SLC14A1: variants seen among roughly 807,000 people sequenced by gnomAD.
The protein encoded by SLC14A1 is solute carrier family 14 member 1 (Kidd blood group), also known as urea transporter 1.
A neutral mutation model predicts 39.6 loss-of-function variants in SLC14A1; 36 were observed. The observed-to-expected ratio is 0.91, with a 90% CI of 0.70 to 1.20. The LOEUF (loss-of-function observed/expected upper bound fraction) is 1.20. Among genes scored for constraint, SLC14A1 ranks in the 50% most tolerant of loss-of-function variants. SLC14A1 has a pLI of 0.00. For missense variants in SLC14A1, 469 were observed against 478.7 expected (o/e 0.98, Z 0.19); for synonymous variants, 164 against 173.6 (o/e 0.94, Z 0.43).
At chr18:45,729,005 A>G (rs780783300) in intron 2 of SLC14A1, 1 of 152,220 alleles carries the variant, frequency 6.6e-6, no homozygotes, top group Non-Finnish European at 1.5e-5. Context: ...TTTAATAGGT[A>G]TAACTTAGTA....
At position 45,748,443 on chromosome 18, in the gene SLC14A1, T is replaced by C. The variant is rs374156279; in HGVS notation, c.996+18T>C. 1.8e-5 allele frequency: 29 copies of C among 1,613,374 alleles called. No individual in the cohort carries two copies. In the African/African-American group the frequency reaches 3.5e-4, roughly 19 times the overall value. ...TGGCTGAGGTGAGTTTGCTTTAGTCTCACTTTTCATTAGCGTAATTGACCA... is the reference window on the plus strand; with the variant it reads ...TGGCTGAGGTGAGTTTGCTTTAGTCCCACTTTTCATTAGCGTAATTGACCA... On this transcript the variant is annotated intron_variant, in intron 9 of 9. Transcript: ENST00000321925.
At chr18:45,746,680 A>C (rs2047554294) in intron 8 of SLC14A1, among the ~76,000 whole-genome samples, 1 of 152,214 alleles carries the variant, frequency 6.6e-6, no homozygotes, top group Non-Finnish European at 1.5e-5. Context: ...GGTGTAACCA[A>C]GGAGAGAAAC....
rs796139255 is a variant in SLC14A1 at position 45,750,427 on chromosome 18, G to A, written c.*476G>A. ...TGGCTTTTTTTTTAAATCAATGCAA[G>A]TTACACATTATAGCCAGAATCTGTA... On this transcript the variant is annotated 3_prime_UTR_variant, in exon 10 of 10. Transcript: ENST00000321925. The A allele has an allele frequency of 2.8e-6, 3 of 1,077,110 alleles. No individual in the cohort carries two copies. The African/African-American group carries it at 5.1e-5, about 18-fold the overall frequency. 66.7% of individuals were successfully genotyped at this position (1,077,110 alleles called of 1,614,324 possible).
intron 4 of SLC14A1, among the ~76,000 whole-genome samples, chr18:45,732,382 G>A (rs891750374): frequency 1.3e-5 from 2 of 152,186 alleles, no homozygotes; most frequent in African/African-American, 2.4e-5. Flanking sequence ...CAAGTCAGTT[G>A]TTGAGAGGAC....
chr18:45,728,202 C>G (rs1178618893), intron 2 of SLC14A1, among the ~76,000 whole-genome samples: 3 of 152,178 alleles, frequency 2.0e-5, no homozygotes, highest in Non-Finnish European at 4.4e-5. Context: ...CGCTCAGGCT[C>G]TCAATCACGT....
At chr18:45,745,368 G>T (rs936924901) in intron 8 of SLC14A1, among the ~76,000 whole-genome samples, 1 of 152,164 alleles carries the variant, frequency 6.6e-6, no homozygotes, top group African/African-American at 2.4e-5. Flanking sequence ...AGCTGTTTGG[G>T]TGAGTCTCTG....
Position 45,748,436 on chromosome 18 carries a change from T to C in SLC14A1, c.996+11T>C. 5 of 1,613,856 alleles carry C rather than the reference T, an allele frequency of 3.1e-6. No individual in the cohort carries two copies. The South Asian group carries it at 5.5e-5, about 18-fold the overall frequency. ...AACTTTATGGCTGAGGTGAGTTTGC[T>C]TTAGTCTCACTTTTCATTAGCGTAA... On this transcript the variant is annotated intron_variant, in intron 9 of 9. Coordinates refer to ENST00000321925, the MANE Select transcript of SLC14A1 (RefSeq NM_015865.7).
intron 4 of SLC14A1, 78 bp downstream of exon 4, chr18:45,731,282 A>T: frequency 1.5e-6 from 2 of 1,329,516 alleles, no homozygotes; most frequent in South Asian, 2.4e-5. Context: ...CAACAGTGAT[A>T]AAACCACATC....
At chr18:45,732,946 T>C (rs2047077075) in intron 4 of SLC14A1, among the ~76,000 whole-genome samples, 1 of 152,210 alleles carries the variant, frequency 6.6e-6, no homozygotes, top group South Asian at 2.1e-4. Context: ...ATCAAGTCCT[T>C]TGCAGCAGCA....
chr18:45,739,906 A>C, intron 8 of SLC14A1: 7 of 556,448 alleles, frequency 1.3e-5, no homozygotes, highest in East Asian at 3.2e-5. Context: ...ATCCTAAAAC[A>C]TGGATGTTTG....
intron 8 of SLC14A1, among the ~76,000 whole-genome samples, chr18:45,742,590 C>T (rs1228446625): frequency 6.6e-6 from 1 of 151,852 alleles, no homozygotes; most frequent in African/African-American, 2.4e-5. Context: ...AATCTTCTGA[C>T]CTCATGATCT....
At chr18:45,735,383 C>T (rs542606652) in intron 5 of SLC14A1, among the ~76,000 whole-genome samples, 1 of 152,320 alleles carries the variant, frequency 6.6e-6, no homozygotes, top group African/African-American at 2.4e-5. Context: ...GCTGGGAGAA[C>T]CACTGTGCCT....
At chr18:45,742,880 G>A (rs1047408070) in intron 8 of SLC14A1, among the ~76,000 whole-genome samples, 2 of 152,070 alleles carry the variant, frequency 1.3e-5, no homozygotes, top group African/African-American at 4.8e-5. Context: ...TAGAGATGGG[G>A]TTTCACCATG....
chr18:45,752,159 C>T lies in SLC14A1; in HGVS notation c.*2208C>T. The T allele has an allele frequency of 2.0e-6, 2 of 985,334 alleles. No homozygotes were observed. Among genetic ancestry groups the T allele is most frequent in the Non-Finnish European group, 2.4e-6 (2 of 829,900 alleles). The allele number at this position is 985,334 out of a possible 1,614,324, so 61.0% of individuals were successfully genotyped here. The stretch of plus-strand genomic sequence containing the variant: ...AGAAGCTCAATTTTCAGTGTTTGAA[C>T]TGAACCCTTTCTTGTTAGGGAACGT... On this transcript the variant is annotated 3_prime_UTR_variant, in exon 10 of 10. Transcript: ENST00000321925.
chr18:45,743,559 T>C (rs2047453359), intron 8 of SLC14A1, among the ~76,000 whole-genome samples: 1 of 152,216 alleles, frequency 6.6e-6, no homozygotes, highest in African/African-American at 2.4e-5. Flanking sequence ...TACTTAACCT[T>C]TCTATGCCTC....
chr18:45,731,598 G>A, intron 4 of SLC14A1: 1 of 330,884 alleles, frequency 3.0e-6, no homozygotes, highest in South Asian at 2.6e-5. Flanking sequence ...ATATCTTGTT[G>A]CTATGATGAG....
Position 45,727,572 on chromosome 18 carries a change from C to T in SLC14A1, c.-22+2559C>T, listed in dbSNP as rs568734946. ...TTGGTCCAAAAAGCCCCATGGCGCT[C>T]ACCTTGGTTTAGAGGCTAGACCATT... On this transcript the variant is annotated intron_variant, in intron 2 of 9. Coordinates refer to ENST00000321925, the MANE Select transcript of SLC14A1 (RefSeq NM_015865.7). Among the ~76,000 whole-genome samples the T allele has an allele frequency of 3.3e-5, 5 of 152,288 alleles. 1 individual carries two copies. The South Asian group carries it at 1.0e-3, about 32-fold the overall frequency.
At chr18:45,749,023 G>A (rs1480219142) in intron 9 of SLC14A1, among the ~76,000 whole-genome samples, 1 of 152,166 alleles carries the variant, frequency 6.6e-6, no homozygotes, top group African/African-American at 2.4e-5. Flanking sequence ...TCAGTCCCAG[G>A]ACCCAAATGG....
chr18:45,740,028 A>C (rs1318857338), intron 8 of SLC14A1, among the ~76,000 whole-genome samples: 1 of 152,154 alleles, frequency 6.6e-6, no homozygotes, highest in Non-Finnish European at 1.5e-5. Context: ...CCCTGTGCTC[A>C]CGGGCTCTCC....
Sources: allele counts gnomAD v4.1 joint callset (sites outside exome capture counted in the v4.1 genomes callset), GRCh38; gene constraint gnomAD v4.1.1; transcripts MANE v1.5; gene names NCBI Gene and HGNC (gene_info 2026-07-23, HGNC 2026-07-21).